The following ROBO1 variants were observed in gnomAD, a reference collection of about 807,000 sequenced individuals.
ROBO1 encodes the protein roundabout homolog 1.
In ROBO1, 149 loss-of-function variants were observed where a neutral mutation model predicts 195.9. The ratio of observed to expected loss-of-function variants is 0.76; its 90% CI spans 0.67 to 0.87. The LOEUF (loss-of-function observed/expected upper bound fraction) is 0.87. Ranked by LOEUF, ROBO1 falls within the 40% of genes least tolerant of loss-of-function variation. ROBO1 has a pLI of 0.00. For synonymous variants in ROBO1, 816 were observed against 733.2 expected, an observed-to-expected ratio of 1.11 and a Z score of -1.82; for missense variants, 1,933 against 2,068.3, an observed-to-expected ratio of 0.93 and a Z score of 1.27.
chr3:79,582,837 G>A (rs1943701897), intron 2 of ROBO1, among the ~76,000 whole-genome samples: 1 of 151,788 alleles, frequency 6.6e-6, no homozygotes, highest in Admixed American at 6.6e-5. Context: ...TATACACTTA[G>A]CACTGCACCT....
At chr3:79,668,291 GA>G (rs1467934394) in intron 1 of ROBO1, among the ~76,000 whole-genome samples, 2 of 151,136 alleles carry the variant, frequency 1.3e-5, no homozygotes, top group Admixed American at 1.3e-4. Context: ...TTCCTTCCAT[GA>G]AAAAGCACAG....
At chr3:79,145,286 T>G (rs567017394) in intron 2 of ROBO1, among the ~76,000 whole-genome samples, 3 of 151,274 alleles carry the variant, frequency 2.0e-5, no homozygotes, top group Admixed American at 6.6e-5. Flanking sequence ...TAAAAATCAT[T>G]TATAATCTCA....
intron 2 of ROBO1, among the ~76,000 whole-genome samples, chr3:79,212,593 G>T (rs953163847): frequency 1.2e-4 from 18 of 152,046 alleles, no homozygotes; most frequent in Non-Finnish European, 1.9e-4. Flanking sequence ...GACTGAGGGC[G>T]CAGATCACTT....
At chr3:79,001,904 G>A (rs547020094) in intron 3 of ROBO1, among the ~76,000 whole-genome samples, 2 of 152,222 alleles carry the variant, frequency 1.3e-5, no homozygotes, top group South Asian at 2.1e-4. Flanking sequence ...CAGTTTGGAG[G>A]AGAATGTATT....
intron 2 of ROBO1, among the ~76,000 whole-genome samples, chr3:79,588,390 C>T (rs569929315): frequency 3.6e-4 from 55 of 151,696 alleles, no homozygotes; most frequent in African/African-American, 1.3e-3. Flanking sequence ...CCTCACTTAA[C>T]AATTTTGAAT....
chr3:79,368,938 C>T (rs534287166), intron 2 of ROBO1, among the ~76,000 whole-genome samples: 1 of 152,224 alleles, frequency 6.6e-6, no homozygotes, highest in South Asian at 2.1e-4. Flanking sequence ...AACACCTGCT[C>T]ATTAGTGCAT....
chr3:79,571,718 A>G (rs1160708672), intron 2 of ROBO1, among the ~76,000 whole-genome samples: 1 of 152,104 alleles, frequency 6.6e-6, no homozygotes, highest in Non-Finnish European at 1.5e-5. Context: ...TTAGACAACT[A>G]TCTACTTTAA....
At chr3:79,145,584 T>A (rs1168735011) in intron 2 of ROBO1, among the ~76,000 whole-genome samples, 1 of 151,878 alleles carries the variant, frequency 6.6e-6, no homozygotes, top group African/African-American at 2.4e-5. Context: ...AGCTAAAAAA[T>A]TGATTATGAA....
intron 3 of ROBO1, among the ~76,000 whole-genome samples, chr3:79,089,249 A>C (rs1355397958): frequency 6.6e-6 from 1 of 152,130 alleles, no homozygotes; most frequent in African/African-American, 2.4e-5. Context: ...TATAAGATAC[A>C]AAGTTGTCAC....
intron 3 of ROBO1, among the ~76,000 whole-genome samples, chr3:78,986,967 T>C (rs1466094215): frequency 6.6e-6 from 1 of 152,138 alleles, no homozygotes; most frequent in African/African-American, 2.4e-5. Flanking sequence ...TCTGAGTACT[T>C]ATTATCTCTT....
chr3:78,612,223 T>C lies in ROBO1; in HGVS notation c.4435+2425A>G, dbSNP rs528658955. On this transcript the variant is annotated intron_variant, in intron 28 of 30. Coordinates refer to ENST00000464233, the MANE Select transcript of ROBO1 (RefSeq NM_002941.4). Reference sequence around the variant, plus strand: ...CTGAACAATAGTTCACATAAATGTATTGACAATAATCAAACTCATCCATCA... The same window carrying C: ...CTGAACAATAGTTCACATAAATGTACTGACAATAATCAAACTCATCCATCA... Among the ~76,000 whole-genome samples the C allele has an allele frequency of 2.0e-5, 3 of 152,304 alleles. No homozygotes were observed. The East Asian group carries it at 5.8e-4, about 29-fold the overall frequency.
intron 2 of ROBO1, among the ~76,000 whole-genome samples, chr3:79,188,967 C>T (rs1559722991): frequency 6.6e-6 from 1 of 151,592 alleles, no homozygotes; most frequent in Non-Finnish European, 1.5e-5. Flanking sequence ...CTTGTTTGCC[C>T]CTTCTGCCAT....
At chr3:79,447,173 C>T (rs757411031) in intron 2 of ROBO1, among the ~76,000 whole-genome samples, 247 of 152,000 alleles carry the variant, frequency 1.6e-3, no homozygotes, top group Middle Eastern at 6.3e-3. Flanking sequence ...GCGCCTGGCC[C>T]TAACACAGAC....
At chr3:79,282,060 T>C (rs866740924) in intron 2 of ROBO1, among the ~76,000 whole-genome samples, 11 of 152,146 alleles carry the variant, frequency 7.2e-5, no homozygotes, top group African/African-American at 1.9e-4. Context: ...GAGTTAGTAG[T>C]GGTCTACAGG....
chr3:79,211,779 G>A (rs145177673), intron 2 of ROBO1, among the ~76,000 whole-genome samples: 74 of 152,260 alleles, frequency 4.9e-4, no homozygotes, highest in African/African-American at 1.7e-3. Context: ...TTGACTGATT[G>A]CCGAGACCAG....
At chr3:78,967,653 G>C (rs2076677115) in intron 3 of ROBO1, among the ~76,000 whole-genome samples, 1 of 152,060 alleles carries the variant, frequency 6.6e-6, no homozygotes, top group African/African-American at 2.4e-5. Flanking sequence ...GAGTTCTATA[G>C]CTGTAGGGCC....
intron 3 of ROBO1, among the ~76,000 whole-genome samples, chr3:79,035,827 T>C (rs1443323713): frequency 2.0e-5 from 3 of 152,200 alleles, no homozygotes; most frequent in Non-Finnish European, 4.4e-5. Flanking sequence ...AATTTAGCTT[T>C]TGTTAAACAA....
At position 78,717,854 on chromosome 3, in the gene ROBO1, G is replaced by A. The variant is rs781328659; in HGVS notation, c.687C>T (p.Tyr229=). The A allele has an allele frequency of 5.6e-6, 9 of 1,613,448 alleles. No homozygotes were observed. The highest frequency in any genetic ancestry group is 1.6e-4 in the Middle Eastern group (1 of 6,084). ...ATTTGCCAGCGTCACTTTTACGGGT[G>A]TAAGTGATCATGAGCTTTCCTCCTC... ...TIRGGKLMIT[Y]TRKSDAGKYV... The change falls in exon 6 of 31, where the codon TAC becomes TAT. Residue 229 remains tyrosine (Y), a synonymous_variant. Coordinates refer to ENST00000464233, the MANE Select transcript of ROBO1 (RefSeq NM_002941.4).
intron 2 of ROBO1, among the ~76,000 whole-genome samples, chr3:79,531,565 C>A (rs1941663964): frequency 6.6e-6 from 1 of 152,030 alleles, no homozygotes; most frequent in African/African-American, 2.4e-5. Context: ...GGTGGAGGTT[C>A]AAATAACGTA....
Sources: gnomAD v4.1 joint callset for allele counts (sites outside exome capture counted in the v4.1 genomes callset) on GRCh38, gnomAD v4.1.1 for gene constraint, MANE v1.5 for transcripts, NCBI Gene and HGNC (gene_info 2026-07-23, HGNC 2026-07-21) for gene names.